The following KAZN variants were observed in gnomAD, a reference collection of about 807,000 sequenced individuals.
KAZN encodes the protein kazrin, periplakin interacting protein, also known as kazrin.
A neutral mutation model predicts 87.4 loss-of-function variants in KAZN; 40 were observed. That is an observed-to-expected ratio of 0.46 (90% CI 0.36 to 0.60). The LOEUF is 0.60. KAZN is among the 20% of genes least tolerant of loss of function. The pLI is 0.00. For synonymous variants in KAZN, 466 were observed against 458.3 expected (o/e 1.02, Z -0.22); for missense variants, 898 against 1,073.9 (o/e 0.84, Z 2.29).
At chr1:14,163,152 G>C (rs1044297951) in intron 1 of KAZN, among the ~76,000 whole-genome samples, 2 of 152,132 alleles carry the variant, frequency 1.3e-5, no homozygotes, top group Non-Finnish European at 2.9e-5. Context: ...TCAGAGGAAA[G>C]AATTTATCTG....
chr1:15,010,349 C>T (rs1208129238), intron 2 of KAZN, among the ~76,000 whole-genome samples: 1 of 150,262 alleles, frequency 6.7e-6, no homozygotes, highest in Non-Finnish European at 1.5e-5. Flanking sequence ...GATGTTGGGT[C>T]CTCCTCTCCA....
intron 1 of KAZN, among the ~76,000 whole-genome samples, chr1:14,037,025 G>A (rs1050476454): frequency 1.3e-5 from 2 of 152,044 alleles, no homozygotes; most frequent in Non-Finnish European, 2.9e-5. Flanking sequence ...TGATCTGCCC[G>A]CCTCAGCCTC....
chr1:15,067,586 G>C lies in KAZN; in HGVS notation c.1222+1833G>C, dbSNP rs1183336113. 5 of 985,348 alleles carry C rather than the reference G, an allele frequency of 5.1e-6. No homozygotes were observed. The African/African-American group carries it at 8.7e-5, about 17-fold the overall frequency. The allele number at this position is 985,348 out of a possible 1,614,324, so 61.0% of individuals were successfully genotyped here. ...CTTTCTGCTAACGGTGACATTTTCA[G>C]CTCTTAAAAAGAAGCAAGGAGATTT... is the stretch of plus-strand genomic sequence containing the variant. On this transcript the variant is annotated intron_variant, in intron 8 of 14. Coordinates refer to ENST00000376030, the MANE Select transcript of KAZN (RefSeq NM_201628.3).
At chr1:14,956,593 T>A (rs1572915462) in intron 1 of KAZN, among the ~76,000 whole-genome samples, 1 of 145,366 alleles carries the variant, frequency 6.9e-6, no homozygotes. Flanking sequence ...GCAACAGGAG[T>A]GAAACTCTAT....
intron 1 of KAZN, among the ~76,000 whole-genome samples, chr1:14,620,147 C>G (rs757094659): frequency 6.6e-6 from 1 of 152,176 alleles, no homozygotes. Context: ...GTATTTTACA[C>G]GTGTATGTAT....
intron 1 of KAZN, among the ~76,000 whole-genome samples, chr1:14,034,714 G>A: frequency 6.6e-6 from 1 of 152,164 alleles, no homozygotes; most frequent in East Asian, 1.9e-4. Context: ...AGAAGAGAGA[G>A]TTCATGGTTC....
rs527836976 is a variant in KAZN, at chr1:14,015,604, C to A, written c.91+121848C>A. ...CAAGCAATTCTCCTGCCTCAGCCTC[C>A]CGAGTAGCTGGGATTACAGGTGCCT... On this transcript the variant is annotated intron_variant, in intron 1 of 16. Coordinates refer to the KAZN transcript ENST00000636203. Among the ~76,000 whole-genome samples, 5 of 147,110 alleles carry A rather than the reference C, an allele frequency of 3.4e-5. No individual in the cohort carries two copies. In the East Asian group the frequency reaches 1.1e-3, roughly 31 times the overall value.
At chr1:14,393,963 G>A (rs906439881) in intron 2 of KAZN, among the ~76,000 whole-genome samples, 2 of 152,064 alleles carry the variant, frequency 1.3e-5, no homozygotes, top group Non-Finnish European at 2.9e-5. Flanking sequence ...ATGGTATCAG[G>A]AGAATTAGAG....
At chr1:15,078,562 G>A (rs1459275350) in intron 8 of KAZN, among the ~76,000 whole-genome samples, 1 of 152,190 alleles carries the variant, frequency 6.6e-6, no homozygotes, top group East Asian at 1.9e-4. Flanking sequence ...AAGGGCTGGA[G>A]GGAGGCAGAC....
At chr1:14,621,071 C>G (rs1464871359) in intron 1 of KAZN, among the ~76,000 whole-genome samples, 1 of 152,186 alleles carries the variant, frequency 6.6e-6, no homozygotes, top group Non-Finnish European at 1.5e-5. Context: ...TTTCCTGGAG[C>G]TTCTACTTCC....
At chr1:14,784,476 G>A (rs1181424792) in intron 1 of KAZN, among the ~76,000 whole-genome samples, 1 of 152,112 alleles carries the variant, frequency 6.6e-6, no homozygotes, top group Non-Finnish European at 1.5e-5. Flanking sequence ...AGTCACTCAA[G>A]GGCCGGGCAT....
At chr1:14,286,459 G>A (rs1037338990) in intron 2 of KAZN, among the ~76,000 whole-genome samples, 1 of 152,168 alleles carries the variant, frequency 6.6e-6, no homozygotes, top group Non-Finnish European at 1.5e-5. Flanking sequence ...TGCAATCCCA[G>A]TTCTGAATTT....
intron 1 of KAZN, among the ~76,000 whole-genome samples, chr1:13,985,643 A>G (rs1638982677): frequency 6.7e-6 from 1 of 150,290 alleles, no homozygotes. Flanking sequence ...CATCCCTCCA[A>G]AAAAAAAACC....
At chr1:13,911,981 C>T (rs1489791791) in intron 1 of KAZN, among the ~76,000 whole-genome samples, 1 of 152,054 alleles carries the variant, frequency 6.6e-6, no homozygotes, top group East Asian at 1.9e-4. Context: ...TTCTTTTTCC[C>T]CATTACTATT....
intron 2 of KAZN, among the ~76,000 whole-genome samples, chr1:14,449,250 G>A (rs942663671): frequency 2.6e-5 from 4 of 152,134 alleles, no homozygotes; most frequent in African/African-American, 9.7e-5. Context: ...TTCTGGTTTG[G>A]CTTCATTATC....
intron 1 of KAZN, among the ~76,000 whole-genome samples, chr1:13,954,970 C>CT (rs1200984728): frequency 1.3e-5 from 2 of 152,094 alleles, no homozygotes; most frequent in South Asian, 2.1e-4. Context: ...TCGTCTTAGG[C>CT]TTTTTTTGTT....
At chr1:14,129,541 C>G (rs967807200) in intron 1 of KAZN, among the ~76,000 whole-genome samples, 7 of 152,224 alleles carry the variant, frequency 4.6e-5, no homozygotes, top group African/African-American at 1.7e-4. Flanking sequence ...GGGATGGGCT[C>G]CTGGTTGGCT....
At chr1:14,593,014 C>A (rs973812131) in intron 2 of KAZN, among the ~76,000 whole-genome samples, 1 of 152,196 alleles carries the variant, frequency 6.6e-6, no homozygotes. Context: ...CAAGTATGTG[C>A]TGAGCACTGA....
At chr1:14,796,582 G>A (rs1443355963) in intron 1 of KAZN, among the ~76,000 whole-genome samples, 4 of 152,216 alleles carry the variant, frequency 2.6e-5, no homozygotes, top group African/African-American at 9.7e-5. Flanking sequence ...ATGCGTTTCT[G>A]TTACAAAAAG....
Sources: allele counts gnomAD v4.1 joint callset (sites outside exome capture counted in the v4.1 genomes callset), GRCh38; gene constraint gnomAD v4.1.1; transcripts MANE v1.5; gene names NCBI Gene and HGNC (gene_info 2026-07-23, HGNC 2026-07-21).